The following PRPF8 variants were observed in gnomAD, a reference collection of about 807,000 sequenced individuals.
The protein encoded by PRPF8 is pre-mRNA-processing-splicing factor 8.
PRPF8 carries 64 observed loss-of-function variants against 285.9 expected under a neutral mutation model. That is an observed-to-expected ratio of 0.22 (90% CI 0.18 to 0.28). PRPF8 has a LOEUF of 0.28. Ranked by LOEUF, PRPF8 falls within the 10% of genes least tolerant of loss-of-function variation. The pLI, the probability that PRPF8 is intolerant of heterozygous loss-of-function variation, is 1.00. For missense variants in PRPF8, 1,426 were observed against 3,026.7 expected (o/e 0.47, Z 12.41); for synonymous variants, 1,325 against 1,118.2 (o/e 1.18, Z -3.69).
chr17:1,672,787 T>G (rs1037880160), intron 24 of PRPF8, among the ~76,000 whole-genome samples: 1 of 152,090 alleles, frequency 6.6e-6, no homozygotes, highest in Non-Finnish European at 1.5e-5. Flanking sequence ...CCTGAGAAAA[T>G]GCAAAAATAA....
chr17:1,677,152 C>T lies in PRPF8; in HGVS notation c.2005G>A (p.Ala669Thr). Residue 669 changes from alanine to threonine, a missense_variant, in exon 15 of 43, where the codon GCA becomes ACA. Transcript: ENST00000304992. ...ACTCGCTGCTTTGTTACTGTCTTTG[C>T]CACCCCCTTTGAGTGTCGACCTGGA... ...QFEGRHSKGVAKTVTKQRVES... is the reference protein window; with the variant it reads ...QFEGRHSKGVTKTVTKQRVES... 6.2e-7 allele frequency: 1 copy of T among 1,613,610 alleles called. No individual in the cohort carries two copies.
chr17:1,656,064 G>T (rs1169449971), intron 36 of PRPF8, among the ~76,000 whole-genome samples: 2 of 151,920 alleles, frequency 1.3e-5, no homozygotes, highest in Non-Finnish European at 2.9e-5. Context: ...GGGACTACAG[G>T]TGCATCCCAG....
At position 1,659,947 on chromosome 17, in the gene PRPF8, T is replaced by G. The variant is rs1911590243; in HGVS notation, c.4840A>C (p.Ile1614Leu). 1 of 1,614,094 alleles carries G rather than the reference T, an allele frequency of 6.2e-7. No homozygotes were observed. The highest frequency in any genetic ancestry group is 1.1e-5 in the South Asian group (1 of 91,082). ...ATCTTATATGACTTTCGGGGATGGATTGTCTCCTTTTGTACTGTCTCAATT... is the reference window on the plus strand; with the variant it reads ...ATCTTATATGACTTTCGGGGATGGAGTGTCTCCTTTTGTACTGTCTCAATT... ...LEIETVQKET[I>L]HPRKSYKMNS... The change falls in exon 31 of 43, where the codon ATC becomes CTC. Residue 1614 changes from isoleucine (I) to leucine (L), a missense_variant. By Grantham distance (5) the Ile-to-Leu change is conservative. Around this residue, in one of 34 missense-constraint regions of PRPF8, gnomAD observed 4 missense variants for 16.7 expected, o/e 0.24. Transcript: ENST00000304992. This position sits in a 1 kb window ranked among gnomAD's most constrained non-coding sequence, Gnocchi z 5.1.
chr17:1,677,759 G>A, intron 13 of PRPF8, 65 bp from the exon 14 acceptor site: 3 of 1,596,802 alleles, frequency 1.9e-6, no homozygotes, highest in Non-Finnish European at 2.6e-6. Flanking sequence ...ATAGAAACCT[G>A]GGCAGAGGTG....
rs371224736 is a variant in PRPF8, at chr17:1,658,787, A to C, written c.5139-24T>G. The C allele has an allele frequency of 1.2e-6, 2 of 1,605,506 alleles. No homozygotes were observed. Among genetic ancestry groups the C allele is most frequent in the South Asian group, 1.1e-5 (1 of 90,900 alleles). On this transcript the variant is annotated intron_variant, in intron 32 of 42. Transcript: ENST00000304992. This position sits in a 1 kb window ranked among gnomAD's most constrained non-coding sequence, Gnocchi z 4.1. ...CACTGTGAGGATAAAAGGGTCAAGA[A>C]AAGTTAAGACGAGAATGACAGCCCC... is the stretch of plus-strand genomic sequence containing the variant.
In PRPF8 at chr17:1,675,870, C is replaced by T; in HGVS notation, c.2679+58G>A. The stretch of plus-strand genomic sequence containing the variant: ...CACCAACTGCTACCTTTGGTAGAAC[C>T]AAAGGCAACTGCTACCTTTGGTAGA... On this transcript the variant is annotated intron_variant, in intron 18 of 42. Transcript: ENST00000304992. This position sits in a 1 kb window ranked among gnomAD's most constrained non-coding sequence, Gnocchi z 6.0. 6.2e-7 allele frequency: 1 copy of T among 1,606,006 alleles called. No homozygotes were observed. The highest frequency in any genetic ancestry group is 2.3e-5 in the East Asian group (1 of 44,382).
chr17:1,676,970 A>AC lies in PRPF8; in HGVS notation c.2181+5dup. 1.9e-6 allele frequency: 3 copies of AC among 1,613,470 alleles called. No individual in the cohort carries two copies. The highest frequency in any genetic ancestry group is 2.5e-6 in the Non-Finnish European group (3 of 1,180,000). On this transcript the variant is annotated splice_donor_region_variant and intron_variant, in intron 15 of 42. Transcript: ENST00000304992. The surrounding 1 kb of genome is among the most constrained non-coding windows in gnomAD (Gnocchi z 6.3). ...TACGCCTCCAAGGAAATAAAGAGACACCCACCTTCCAGGGAATGTTGGCTT... is the reference window on the plus strand; with the variant it reads ...TACGCCTCCAAGGAAATAAAGAGACACCCCACCTTCCAGGGAATGTTGGCTT...
At chr17:1,669,265 C>G (rs1912174225) in intron 24 of PRPF8, among the ~76,000 whole-genome samples, 1 of 152,178 alleles carries the variant, frequency 6.6e-6, no homozygotes, top group South Asian at 2.1e-4. Flanking sequence ...CGCCACCGCG[C>G]CTGGCTAATT....
At chr17:1,680,009 C>T (rs749813305) in intron 8 of PRPF8, among the ~76,000 whole-genome samples, 35 of 152,148 alleles carry the variant, frequency 2.3e-4, no homozygotes, top group Admixed American at 1.6e-3. Flanking sequence ...TCACTTCTCA[C>T]ACCTCAACTG....
Position 1,663,959 on chromosome 17 carries a change from A to AATACATT in PRPF8, c.3775-1813_3775-1807dup, listed in dbSNP as rs571279479. ...TCGTTCAGAAGACCTAATAATCCTA[A>AATACATT]ATACATTATGTAACTAATAACAGAA... On this transcript the variant is annotated intron_variant, in intron 24 of 42. Coordinates refer to ENST00000304992, the MANE Select transcript of PRPF8 (RefSeq NM_006445.4). 3.9e-5 allele frequency among the ~76,000 whole-genome samples: 6 copies of AATACATT among 152,288 alleles called. No homozygotes were observed. The East Asian group carries it at 1.2e-3, about 29-fold the overall frequency.
rs1912767831 is a variant in PRPF8 at position 1,679,169 on chromosome 17, G to C, written c.1447C>G (p.Gln483Glu). 1 of 1,614,194 alleles carries C rather than the reference G, an allele frequency of 6.2e-7. No homozygotes were observed. Among genetic ancestry groups the C allele is most frequent in the Non-Finnish European group, 8.5e-7 (1 of 1,180,024 alleles). The change falls in exon 11 of 43, where the codon CAG becomes GAG. Residue 483 changes from glutamine to glutamate, a missense_variant. By Grantham distance (29) the Gln-to-Glu change is conservative (BLOSUM62 2). Coordinates refer to ENST00000304992, the MANE Select transcript of PRPF8 (RefSeq NM_006445.4). The surrounding 1 kb of genome is among the most constrained non-coding windows in gnomAD (Gnocchi z 4.7). ...TCCACCCAGTCCAGCTTTGTGGACT[G>C]AAAGAATTTGGTGGCTTTGAAGGAG... ...FRSFKATKFF[Q>E]STKLDWVEVG...
chr17:1,661,716 G>A lies in PRPF8; in HGVS notation c.4097C>T (p.Pro1366Leu). Residue 1366 changes from proline to leucine, a missense_variant, in exon 26 of 43, where the codon CCC becomes CTC. Physicochemically the swap from Pro to Leu is moderately conservative, Grantham distance 98. Around this residue, in one of 34 missense-constraint regions of PRPF8, gnomAD observed 40 missense variants for 121.6 expected, o/e 0.33. Transcript: ENST00000304992. The surrounding 1 kb of genome is among the most constrained non-coding windows in gnomAD (Gnocchi z 7.3). ...TGGCTGTATGTAGCGGTACAAGTTG[G>A]GAATGAGCTGGTCTTCTTCATGGCT... ...GMSHEEDQLI[P>L]NLYRYIQPWE... 1 of 1,614,194 alleles carries A rather than the reference G, an allele frequency of 6.2e-7. No individual in the cohort carries two copies. The highest frequency in any genetic ancestry group is 8.5e-7 in the Non-Finnish European group (1 of 1,180,048).
chr17:1,676,913 G>A lies in PRPF8; in HGVS notation c.2181+63C>T, dbSNP rs1448691321. 9 of 1,584,800 alleles carry A rather than the reference G, an allele frequency of 5.7e-6. No homozygotes were observed. Among genetic ancestry groups the A allele is most frequent in the Admixed American group, 3.3e-5 (2 of 59,932 alleles). ...GCCAGATAGCCCCCTAATGATTCCC[G>A]AAGTGGTAATCCTACCCTAAAGACG... On this transcript the variant is annotated intron_variant, in intron 15 of 42. Coordinates refer to ENST00000304992, the MANE Select transcript of PRPF8 (RefSeq NM_006445.4). The surrounding 1 kb of genome is among the most constrained non-coding windows in gnomAD (Gnocchi z 6.3).
chr17:1,678,661 C>G lies in PRPF8; in HGVS notation c.1720-9G>C, dbSNP rs1236076908. 2 of 1,614,212 alleles carry G rather than the reference C, an allele frequency of 1.2e-6. No homozygotes were observed. Among genetic ancestry groups the G allele is most frequent in the Non-Finnish European group, 1.7e-6 (2 of 1,180,040 alleles). ...TGCAATCCATCTGCCAGCTGCAATACAATTGCCCCATCAGACCTGGAGCTT... is the reference window on the plus strand; with the variant it reads ...TGCAATCCATCTGCCAGCTGCAATAGAATTGCCCCATCAGACCTGGAGCTT... On this transcript the variant is annotated splice_polypyrimidine_tract_variant and intron_variant, in intron 12 of 42. Transcript: ENST00000304992.
intron 20 of PRPF8, 133 bp from the exon 21 acceptor site, chr17:1,674,813 C>T: frequency 2.0e-6 from 2 of 981,300 alleles, no homozygotes; most frequent in Non-Finnish European, 3.2e-6. Context: ...CTCAGTCACC[C>T]AGGCTGAGAG....
chr17:1,666,199 A>C (rs999098008), intron 24 of PRPF8, among the ~76,000 whole-genome samples: 4 of 151,904 alleles, frequency 2.6e-5, no homozygotes, highest in African/African-American at 9.7e-5. Context: ...CAAAATTGAT[A>C]ATCTAACCTT....
Position 1,673,685 on chromosome 17 carries a change from T to G in PRPF8, c.3446+61A>C, listed in dbSNP as rs997460468. ...CCCACCCAGGACGCAGCCTCAGGTA[T>G]GCCCTCTCTGGGCCCTTAGCTTATG... On this transcript the variant is annotated intron_variant, in intron 22 of 42. Coordinates refer to ENST00000304992, the MANE Select transcript of PRPF8 (RefSeq NM_006445.4). This position sits in a 1 kb window ranked among gnomAD's most constrained non-coding sequence, Gnocchi z 5.5. The G allele has an allele frequency of 1.2e-6, 2 of 1,612,520 alleles. No homozygotes were observed. Among genetic ancestry groups the G allele is most frequent in the African/African-American group, 1.3e-5 (1 of 74,876 alleles).
chr17:1,661,485 T>C lies in PRPF8; in HGVS notation c.4203-79A>G. 1 of 1,609,852 alleles carries C rather than the reference T, an allele frequency of 6.2e-7. No individual in the cohort carries two copies. Among genetic ancestry groups the C allele is most frequent in the Non-Finnish European group, 8.5e-7 (1 of 1,177,674 alleles). ...GCACTCCTTCCTGGCCAAAAATAAT[T>C]AGGGTCAGTAGAACCAGCCTTCTCA... On this transcript the variant is annotated intron_variant, in intron 26 of 42. Transcript: ENST00000304992. The surrounding 1 kb of genome is among the most constrained non-coding windows in gnomAD (Gnocchi z 7.3).
Position 1,658,416 on chromosome 17 carries a change from A to T in PRPF8, c.5377-35T>A, listed in dbSNP as rs1283368500. 2 of 1,614,190 alleles carry T rather than the reference A, an allele frequency of 1.2e-6. No individual in the cohort carries two copies. The highest frequency in any genetic ancestry group is 1.7e-6 in the Non-Finnish European group (2 of 1,180,022). On this transcript the variant is annotated intron_variant, in intron 33 of 42. Coordinates refer to ENST00000304992, the MANE Select transcript of PRPF8 (RefSeq NM_006445.4). The surrounding 1 kb of genome is among the most constrained non-coding windows in gnomAD (Gnocchi z 4.1). ...GACGGCATTCGTTAGCATGGCCTAC[A>T]CAACACATCCCCATCCTGCCTTCTT...
Sources: gnomAD v4.1 joint callset for allele counts (sites outside exome capture counted in the v4.1 genomes callset) on GRCh38, gnomAD v4.1.1 for gene constraint, gnomAD v4.1.1 regional missense constraint, Gnocchi (gnomAD v3.1) non-coding constraint, MANE v1.5 for transcripts, NCBI Gene and HGNC (gene_info 2026-07-23, HGNC 2026-07-21) for gene names.